The following NDC1 variants were observed in gnomAD, a reference collection of about 807,000 sequenced individuals.
NDC1 encodes nucleoporin NDC1.
Under a neutral mutation model 89.8 loss-of-function variants are expected in NDC1, and 24 were observed. That is an observed-to-expected ratio of 0.27 (90% CI 0.19 to 0.38). The LOEUF (loss-of-function observed/expected upper bound fraction) is 0.38, where lower values mean the gene tolerates loss of function less well. Among genes scored for constraint, NDC1 ranks in the 10% least tolerant of loss-of-function variants. The pLI is 1.00. For synonymous variants in NDC1, 296 were observed against 284.8 expected (o/e 1.04, Z -0.39); for missense variants, 728 against 797.6 (o/e 0.91, Z 1.05).
intron 4 of NDC1, 69 bp downstream of exon 4, chr1:53,827,929 TA>T: frequency 8.4e-7 from 1 of 1,189,462 alleles, no homozygotes; most frequent in Non-Finnish European, 1.1e-6. Flanking sequence ...CTCATAGGAT[TA>T]ACCTATATAG....
In NDC1 at chr1:53,809,746, C is replaced by T. The variant is rs1423163444; in HGVS notation, c.704G>A (p.Gly235Asp). 1.2e-6 allele frequency: 2 copies of T among 1,611,192 alleles called. No individual in the cohort carries two copies. Among genetic ancestry groups the T allele is most frequent in the Admixed American group, 1.7e-5 (1 of 59,920 alleles). ...GCTAATCCAAGCTTTGGGAATATAG[C>T]CTGAAGGGAAAAAATACCAAGCTAT... Reference protein sequence around the residue: ...RNFCILYYFLGYIPKAWISTA... With the variant: ...RNFCILYYFLDYIPKAWISTA... The change falls in exon 7 of 18, where the codon GGC becomes GAC. Residue 235 changes from glycine (G) to aspartate (D), a missense_variant and splice_region_variant. Transcript: ENST00000371429.
chr1:53,769,795 C>G (rs1273963798), intron 17 of NDC1, among the ~76,000 whole-genome samples: 1 of 152,262 alleles, frequency 6.6e-6, no homozygotes, highest in Admixed American at 6.5e-5. Context: ...GAGAATGTTC[C>G]CTTTCATGGG....
chr1:53,776,967 C>T (rs1647168403), intron 16 of NDC1, among the ~76,000 whole-genome samples: 1 of 151,718 alleles, frequency 6.6e-6, no homozygotes, highest in Non-Finnish European at 1.5e-5. Context: ...CTATAATATA[C>T]CTTAGATTTT....
At chr1:53,778,258 TATACACAC>T (rs769988527) in intron 16 of NDC1, among the ~76,000 whole-genome samples, 51 of 122,512 alleles carry the variant, frequency 4.2e-4, no homozygotes, top group Non-Finnish European at 3.8e-4. Flanking sequence ...TGTGTGTGTA[TATACACAC>T]ACACACACAC....
intron 6 of NDC1, among the ~76,000 whole-genome samples, chr1:53,811,158 G>A (rs1648293488): frequency 6.6e-6 from 1 of 152,204 alleles, no homozygotes; most frequent in Non-Finnish European, 1.5e-5. Flanking sequence ...TTCCTGCCTG[G>A]CACCACAGGG....
chr1:53,831,602 G>A (rs1649069740), intron 3 of NDC1, among the ~76,000 whole-genome samples: 2 of 152,112 alleles, frequency 1.3e-5, no homozygotes, highest in South Asian at 2.1e-4. Flanking sequence ...GAACCCAGGA[G>A]GCAGAGATTG....
intron 6 of NDC1, among the ~76,000 whole-genome samples, chr1:53,817,683 C>T (rs1332927601): frequency 6.6e-6 from 1 of 151,992 alleles, no homozygotes; most frequent in Non-Finnish European, 1.5e-5. Flanking sequence ...GAAGTATTTA[C>T]AGAAGAATGA....
intron 14 of NDC1, among the ~76,000 whole-genome samples, chr1:53,791,904 G>A (rs533221054): frequency 1.1e-4 from 16 of 151,936 alleles, no homozygotes; most frequent in Non-Finnish European, 2.1e-4. Context: ...AACAGAGTAT[G>A]GCACACATAA....
rs533073232 is a variant in NDC1 at position 53,825,267 on chromosome 1, G to A, written c.594+531C>T. 7.2e-5 allele frequency among the ~76,000 whole-genome samples: 11 copies of A among 152,056 alleles called. No homozygotes were observed. The South Asian group carries it at 2.3e-3, about 32-fold the overall frequency. ...GAGGTGGGGGGATTACTTGAGGTCA[G>A]GAGTTCAAGACCACCCTGGCCAATA... On this transcript the variant is annotated intron_variant, in intron 5 of 17. Transcript: ENST00000371429.
At chr1:53,768,537 G>A (rs1404198183) in intron 17 of NDC1, among the ~76,000 whole-genome samples, 2 of 152,086 alleles carry the variant, frequency 1.3e-5, no homozygotes, top group African/African-American at 2.4e-5. Flanking sequence ...GTTATGTTTT[G>A]GATGTGAACA....
intron 7 of NDC1, among the ~76,000 whole-genome samples, chr1:53,808,462 A>G (rs1237051353): frequency 6.6e-6 from 1 of 152,172 alleles, no homozygotes; most frequent in East Asian, 1.9e-4. Context: ...GAGTGGCATA[A>G]TATGTTCATT....
At position 53,796,681 on chromosome 1, in the gene NDC1, C is replaced by T. The variant is rs776718537; in HGVS notation, c.1584+8G>A. The T allele has an allele frequency of 5.2e-5, 80 of 1,545,058 alleles. No homozygotes were observed. The highest frequency in any genetic ancestry group is 1.8e-6 in the Non-Finnish European group (2 of 1,132,194). On this transcript the variant is annotated splice_region_variant and intron_variant, in intron 13 of 17. Coordinates refer to ENST00000371429, the MANE Select transcript of NDC1 (RefSeq NM_018087.5). The stretch of plus-strand genomic sequence containing the variant: ...GCAAATATAAATCCTATAACCATAT[C>T]ATCCTACCTGTTCACGTTTATTCTG...
intron 3 of NDC1, among the ~76,000 whole-genome samples, chr1:53,830,186 G>A (rs1251694763): frequency 6.6e-6 from 1 of 150,786 alleles, no homozygotes; most frequent in Non-Finnish European, 1.5e-5. Flanking sequence ...GGGCCCAGTG[G>A]CTCACACCTG....
At chr1:53,786,466 T>C (rs145019385) in intron 16 of NDC1, among the ~76,000 whole-genome samples, 2,299 of 152,346 alleles carry the variant, frequency 0.015, 22 homozygotes, top group Non-Finnish European at 0.026. Flanking sequence ...GCCTCAGTTC[T>C]TGAGCCTCAA....
At chr1:53,803,383 T>TA (rs1647987968) in intron 10 of NDC1, among the ~76,000 whole-genome samples, 1 of 151,634 alleles carries the variant, frequency 6.6e-6, no homozygotes, top group South Asian at 2.1e-4. Flanking sequence ...TTAGAATTCT[T>TA]AAGCTGTATT....
At chr1:53,818,430 C>CA (rs34211832) in intron 6 of NDC1, among the ~76,000 whole-genome samples, 5,197 of 132,364 alleles carry the variant, frequency 0.039, 109 homozygotes, top group Middle Eastern at 0.052. Context: ...GACAGATCAT[C>CA]AAAAAAAAAA....
chr1:53,778,323 T>C (rs896029073), intron 16 of NDC1, among the ~76,000 whole-genome samples: 26 of 151,830 alleles, frequency 1.7e-4, no homozygotes, highest in South Asian at 6.2e-4. Context: ...TTAATAAACA[T>C]CTGAATTCTG....
In NDC1 at chr1:53,797,150, A is replaced by C; in HGVS notation, c.1223-6T>G. The C allele has an allele frequency of 6.2e-7, 1 of 1,613,450 alleles. No homozygotes were observed. The highest frequency in any genetic ancestry group is 1.1e-5 in the South Asian group (1 of 91,030). ...TGTCTGAAAAGCAGTTTCTTCTGTA[A>C]AACAACAGATCCAGTGCTGAAGAGG... On this transcript the variant is annotated splice_region_variant and splice_polypyrimidine_tract_variant and intron_variant, in intron 11 of 17. Transcript: ENST00000371429.
At chr1:53,801,089 C>CA (rs1285394411) in intron 10 of NDC1, among the ~76,000 whole-genome samples, 8,177 of 101,404 alleles carry the variant, frequency 0.081, 284 homozygotes, top group African/African-American at 0.12. Context: ...ACACACATAC[C>CA]AAAAAAAAAA....
Sources: allele counts gnomAD v4.1 joint callset (sites outside exome capture counted in the v4.1 genomes callset), GRCh38; gene constraint gnomAD v4.1.1; transcripts MANE v1.5; gene names NCBI Gene and HGNC (gene_info 2026-07-23, HGNC 2026-07-21).